The following SLC66A3 variants were observed in gnomAD, a reference collection of about 807,000 sequenced individuals.
SLC66A3 encodes the protein PQ loop repeat containing 3.
A neutral mutation model predicts 25.5 loss-of-function variants in SLC66A3; 23 were observed. That is an observed-to-expected ratio of 0.90 (90% CI 0.65 to 1.28). SLC66A3 has a LOEUF of 1.28. SLC66A3 is among the 50% of genes most tolerant of loss of function. The probability of loss-of-function intolerance (pLI) is 0.00; values close to 1 mark genes in which losing one functional copy is unlikely to be tolerated. For synonymous variants in SLC66A3, 108 were observed against 112.6 expected (o/e 0.96, Z 0.26); for missense variants, 246 against 262.1 (o/e 0.94, Z 0.42).
At chr2:11,158,589 G>A (rs1167674722) in intron 1 of SLC66A3, among the ~76,000 whole-genome samples, 1 of 152,238 alleles carries the variant, frequency 6.6e-6, no homozygotes, top group Non-Finnish European at 1.5e-5. Context: ...GTGAACCCGG[G>A]AGGCGGAGCT....
chr2:11,176,750 G>C (rs953151587), intron 6 of SLC66A3, among the ~76,000 whole-genome samples: 1 of 132,550 alleles, frequency 7.5e-6, no homozygotes, highest in South Asian at 2.5e-4. Flanking sequence ...GGATGGTCTC[G>C]ATCTCCTGAC....
intron 4 of SLC66A3, among the ~76,000 whole-genome samples, chr2:11,166,228 T>G (rs1217083597): frequency 6.6e-6 from 1 of 152,184 alleles, no homozygotes; most frequent in Non-Finnish European, 1.5e-5. Context: ...TCTTCTTAGG[T>G]TCATAATGGC....
intron 6 of SLC66A3, 73 bp from the exon 7 acceptor site, chr2:11,177,664 A>ATACTTTG: frequency 1.1e-6 from 1 of 912,968 alleles, no homozygotes; most frequent in Non-Finnish European, 1.7e-6. Flanking sequence ...ATTTAGGCTT[A>ATACTTTG]TACTTTGAGC....
intron 4 of SLC66A3, among the ~76,000 whole-genome samples, chr2:11,170,755 A>AT (rs916481160): frequency 4.6e-5 from 7 of 151,538 alleles, no homozygotes; most frequent in Admixed American, 3.3e-4. Flanking sequence ...CACCCAGCTA[A>AT]TTTTTTTGTA....
chr2:11,169,685 C>T (rs1407726999), intron 4 of SLC66A3, among the ~76,000 whole-genome samples: 1 of 152,022 alleles, frequency 6.6e-6, no homozygotes, highest in Non-Finnish European at 1.5e-5. Flanking sequence ...ACGACTGAGC[C>T]TCTCCAACCT....
chr2:11,158,161 G>A (rs10183461), intron 1 of SLC66A3, among the ~76,000 whole-genome samples: 28,133 of 152,232 alleles, frequency 0.18, 3,287 homozygotes, highest in Non-Finnish European at 0.25. Flanking sequence ...AAATGGGGCT[G>A]TGTCAGATGC....
rs1176798078 is a variant in SLC66A3 at position 11,178,088 on chromosome 2, A to T, written c.*260A>T. ...TTGAGGCCAGTCACTGTTGGAAGTCATCCAAGAAGCCCATTTTGAGGCCAT... is the reference window on the plus strand; with the variant it reads ...TTGAGGCCAGTCACTGTTGGAAGTCTTCCAAGAAGCCCATTTTGAGGCCAT... On this transcript the variant is annotated 3_prime_UTR_variant, in exon 7 of 7. Coordinates refer to ENST00000295083, the MANE Select transcript of SLC66A3 (RefSeq NM_152391.5). 6.4e-6 allele frequency: 2 copies of T among 310,672 alleles called. No homozygotes were observed. The highest frequency in any genetic ancestry group is 1.2e-5 in the Non-Finnish European group (2 of 171,332). 19.2% of individuals were successfully genotyped at this position (310,672 alleles called of 1,614,324 possible). A position where few individuals can be genotyped will look rare whatever the true frequency, so the allele number is the denominator to read the frequency against.
rs1466403224 is a variant in SLC66A3, at chr2:11,166,080, G to A, written c.354+1819G>A. Among the ~76,000 whole-genome samples the A allele has an allele frequency of 2.0e-5, 3 of 152,154 alleles. No individual in the cohort carries two copies. In the East Asian group the frequency reaches 5.8e-4, roughly 29 times the overall value. On this transcript the variant is annotated intron_variant, in intron 4 of 6. Transcript: ENST00000295083. The stretch of plus-strand genomic sequence containing the variant: ...GTAGAGACAGGGTTTCACTGTGTTG[G>A]CCAGGCTGGTCTCGAACTCCTGACC...
chr2:11,177,701 A>C, intron 6 of SLC66A3, 36 bp from the exon 7 acceptor site: 2 of 1,406,696 alleles, frequency 1.4e-6, no homozygotes, highest in Non-Finnish European at 2.0e-6. Flanking sequence ...CTGTATTGTA[A>C]AGACAGTTTT....
At chr2:11,176,218 G>A (rs931771811) in intron 6 of SLC66A3, among the ~76,000 whole-genome samples, 3 of 152,112 alleles carry the variant, frequency 2.0e-5, no homozygotes, top group Non-Finnish European at 4.4e-5. Context: ...TAACTTTTTT[G>A]TTGTTGTTTT....
chr2:11,157,594 G>T (rs1370744659), intron 1 of SLC66A3, among the ~76,000 whole-genome samples: 1 of 152,268 alleles, frequency 6.6e-6, no homozygotes, highest in Non-Finnish European at 1.5e-5. Context: ...TAGAGCAGAA[G>T]GAACCCCAGG....
rs1662834599 is a variant in SLC66A3, at chr2:11,178,157, T to G, written c.*329T>G. 1 of 184,684 alleles carries G rather than the reference T, an allele frequency of 5.4e-6. No individual in the cohort carries two copies. The highest frequency in any genetic ancestry group is 6.1e-5 in the Admixed American group (1 of 16,370). The allele number at this position is 184,684 out of a possible 1,614,324, so 11.4% of individuals were successfully genotyped here. ...GTTCTCTATGAAGAACTACATTGAT[T>G]TGTTGGCTTTCAGAATCTTTTAGGA... On this transcript the variant is annotated 3_prime_UTR_variant, in exon 7 of 7. Transcript: ENST00000295083.
At chr2:11,164,993 T>C (rs1288582220) in intron 4 of SLC66A3, among the ~76,000 whole-genome samples, 1 of 152,240 alleles carries the variant, frequency 6.6e-6, no homozygotes, top group Non-Finnish European at 1.5e-5. Context: ...TTCCCCCTTT[T>C]CTATTTGACA....
chr2:11,166,961 T>G (rs1006953841), intron 4 of SLC66A3, among the ~76,000 whole-genome samples: 31 of 152,216 alleles, frequency 2.0e-4, no homozygotes, highest in African/African-American at 7.2e-4. Flanking sequence ...TGTTCTGAAA[T>G]TTAAATTTAA....
At chr2:11,169,636 G>A (rs1486870680) in intron 4 of SLC66A3, among the ~76,000 whole-genome samples, 1 of 151,908 alleles carries the variant, frequency 6.6e-6, no homozygotes, top group Non-Finnish European at 1.5e-5. Context: ...CAGGGCTCCA[G>A]CACACACCGC....
At chr2:11,159,830 A>G (rs1254859500) in intron 1 of SLC66A3, among the ~76,000 whole-genome samples, 3 of 152,150 alleles carry the variant, frequency 2.0e-5, no homozygotes, top group Non-Finnish European at 2.9e-5. Context: ...TCTTCTGAGA[A>G]TGTGGGACCC....
chr2:11,161,049 T>C (rs1422849140), intron 3 of SLC66A3, among the ~76,000 whole-genome samples: 1 of 151,976 alleles, frequency 6.6e-6, no homozygotes, highest in Non-Finnish European at 1.5e-5. Context: ...ATAATGAGAG[T>C]ATCCGGCGCC....
At chr2:11,177,473 A>T (rs960892771) in intron 6 of SLC66A3, among the ~76,000 whole-genome samples, 1 of 151,538 alleles carries the variant, frequency 6.6e-6, no homozygotes, top group Non-Finnish European at 1.5e-5. Context: ...AAAAAAAAAA[A>T]GTTAAAAGTT....
intron 1 of SLC66A3, among the ~76,000 whole-genome samples, chr2:11,157,696 T>C (rs376352835): frequency 2.7e-4 from 41 of 152,242 alleles, no homozygotes; most frequent in Admixed American, 3.9e-4. Context: ...ACTGAGTCAA[T>C]TGGAGCATGA....
Sources: allele counts gnomAD v4.1 joint callset (sites outside exome capture counted in the v4.1 genomes callset), GRCh38; gene constraint gnomAD v4.1.1; transcripts MANE v1.5; gene names NCBI Gene and HGNC (gene_info 2026-07-23, HGNC 2026-07-21).